QKI: variants seen among roughly 807,000 people sequenced by gnomAD.
QKI encodes the protein QKI, KH domain containing RNA binding.
A neutral mutation model predicts 39.0 loss-of-function variants in QKI; 10 were observed. The ratio of observed to expected loss-of-function variants is 0.26; its 90% CI spans 0.16 to 0.43. The LOEUF is 0.43. QKI is among the 20% of genes least tolerant of loss of function. The pLI, the probability that QKI is intolerant of heterozygous loss-of-function variation, is 1.00. For synonymous variants in QKI, 204 were observed against 155.4 expected (o/e 1.31, Z -2.33); for missense variants, 218 against 428.0 (o/e 0.51, Z 4.33).
In QKI at chr6:163,573,885, C is replaced by T. The variant is rs1758253153; in HGVS notation, c.*3175C>T. Reference sequence around the variant, plus strand: ...CAAAAGAATGTAAAGTCTTGAGTTACTGGACTAACCCTGAAGAACGTGACC... The same window carrying T: ...CAAAAGAATGTAAAGTCTTGAGTTATTGGACTAACCCTGAAGAACGTGACC... On this transcript the variant is annotated 3_prime_UTR_variant, in exon 8 of 8. Transcript: ENST00000361752. 2 of 152,138 alleles carry T rather than the reference C, an allele frequency of 1.3e-5. No homozygotes were observed. Among genetic ancestry groups the T allele is most frequent in the South Asian group, 2.1e-4 (1 of 4,826 alleles). 9.4% of individuals were successfully genotyped at this position (152,138 alleles called of 1,614,324 possible).
intron 3 of QKI, among the ~76,000 whole-genome samples, chr6:163,513,368 G>A (rs375036962): frequency 3.9e-5 from 6 of 152,198 alleles, no homozygotes; most frequent in African/African-American, 1.4e-4. Flanking sequence ...CACCAACTTG[G>A]TGATACATAA....
At chr6:163,423,514 C>G (rs755915960) in intron 1 of QKI, 2 of 152,106 alleles carry the variant, frequency 1.3e-5, no homozygotes, top group African/African-American at 4.8e-5. Context: ...GCGTGCCTCT[C>G]CACAAGGGGA....
intron 3 of QKI, among the ~76,000 whole-genome samples, chr6:163,500,161 A>G (rs1778670092): frequency 6.6e-6 from 1 of 152,190 alleles, no homozygotes; most frequent in Admixed American, 6.5e-5. Flanking sequence ...GTCCCTGTTC[A>G]TATGCTTCTC....
At chr6:163,504,155 T>C (rs1778954424) in intron 3 of QKI, among the ~76,000 whole-genome samples, 1 of 152,164 alleles carries the variant, frequency 6.6e-6, no homozygotes, top group South Asian at 2.1e-4. Context: ...CCATTGCTTA[T>C]TTCTGTCAAA....
intron 7 of QKI, chr6:163,567,193 G>A: frequency 1.0e-6 from 1 of 995,548 alleles, no homozygotes. Context: ...TTTAATGAGA[G>A]AAGTAAAGGA....
chr6:163,565,180 G>A (rs1346156660), intron 6 of QKI: 4 of 990,288 alleles, frequency 4.0e-6, no homozygotes, highest in East Asian at 2.2e-4. Context: ...ATTTCTTGAA[G>A]CATTTTTAAA....
intron 3 of QKI, among the ~76,000 whole-genome samples, chr6:163,503,137 ATTTTTTTTTTTT>A (rs57383986): frequency 2.0e-5 from 2 of 100,034 alleles, no homozygotes; most frequent in African/African-American, 7.1e-5. Flanking sequence ...GGCCCCTTGT[ATTTTTTTTTTTT>A]TTTTTTTTTT....
rs1022865836 is a variant in QKI at position 163,566,397 on chromosome 6, A to G, written c.935-324A>G. 4 of 1,223,898 alleles carry G rather than the reference A, an allele frequency of 3.3e-6. No homozygotes were observed. The South Asian group carries it at 7.5e-5, about 23-fold the overall frequency. 75.8% of individuals were successfully genotyped at this position (1,223,898 alleles called of 1,614,324 possible). A position where few individuals can be genotyped will look rare whatever the true frequency, so the allele number is the denominator to read the frequency against. On this transcript the variant is annotated intron_variant, in intron 6 of 7. Transcript: ENST00000361752. The stretch of plus-strand genomic sequence containing the variant: ...GTTATTTAAGTAGTCCTGCTGCAAG[A>G]AAGGCACTTCAGTGAATATGTGACT...
intron 2 of QKI, among the ~76,000 whole-genome samples, chr6:163,455,979 A>G (rs1463535052): frequency 6.6e-6 from 1 of 152,120 alleles, no homozygotes. Flanking sequence ...AAAGCCCTAT[A>G]TGATACGGTC....
chr6:163,537,819 CCTT>C (rs1209474737), intron 4 of QKI, among the ~76,000 whole-genome samples: 1 of 152,154 alleles, frequency 6.6e-6, no homozygotes, highest in African/African-American at 2.4e-5. Context: ...AACTGGTATT[CCTT>C]CTTCTGGGGC....
intron 3 of QKI, among the ~76,000 whole-genome samples, chr6:163,517,011 G>A (rs1014172580): frequency 1.8e-4 from 27 of 151,622 alleles, no homozygotes; most frequent in African/African-American, 6.1e-4. Context: ...AGCTTAACAA[G>A]TTTCAACCAG....
At chr6:163,427,034 C>T (rs1562421496) in intron 1 of QKI, among the ~76,000 whole-genome samples, 1 of 152,054 alleles carries the variant, frequency 6.6e-6, no homozygotes, top group Non-Finnish European at 1.5e-5. Context: ...GCCTTGTCTG[C>T]CTTGCCTGTT....
Position 163,573,956 on chromosome 6 carries a change from C to T in QKI, c.*3246C>T, listed in dbSNP as rs1783838918. The T allele has an allele frequency of 1.3e-5, 2 of 151,604 alleles. No individual in the cohort carries two copies. The highest frequency in any genetic ancestry group is 2.9e-5 in the Non-Finnish European group (2 of 67,986). 9.4% of individuals were successfully genotyped at this position (151,604 alleles called of 1,614,324 possible). On this transcript the variant is annotated 3_prime_UTR_variant, in exon 8 of 8. Transcript: ENST00000361752. ...TGTTTTTATGTTGTTTGTCAGCTGACAGTTTTGCACACTACTGTTAAAATG... is the reference window on the plus strand; with the variant it reads ...TGTTTTTATGTTGTTTGTCAGCTGATAGTTTTGCACACTACTGTTAAAATG...
intron 7 of QKI, 105 bp downstream of exon 7, chr6:163,566,900 G>T: frequency 1.4e-6 from 2 of 1,479,146 alleles, no homozygotes; most frequent in East Asian, 2.5e-5. Context: ...CCTGCACACA[G>T]TTTTTTTTCC....
At chr6:163,479,787 A>G (rs1363132991) in intron 3 of QKI, among the ~76,000 whole-genome samples, 1 of 152,252 alleles carries the variant, frequency 6.6e-6, no homozygotes, top group African/African-American at 2.4e-5. Context: ...GTCAGACTGT[A>G]ATGTGTGTAA....
chr6:163,428,611 T>C (rs1788589521), intron 1 of QKI, among the ~76,000 whole-genome samples: 1 of 152,220 alleles, frequency 6.6e-6, no homozygotes, highest in South Asian at 2.1e-4. Flanking sequence ...TTTTAGTAGG[T>C]AAATACTACA....
chr6:163,456,124 C>G (rs778401851), intron 2 of QKI, among the ~76,000 whole-genome samples: 1 of 152,162 alleles, frequency 6.6e-6, no homozygotes, highest in Non-Finnish European at 1.5e-5. Flanking sequence ...TAGTTGTGCT[C>G]TGATCTCTAC....
At position 163,448,919 on chromosome 6, in the gene QKI, A is replaced by C. The variant is rs532947544; in HGVS notation, c.143-6360A>C. Among the ~76,000 whole-genome samples, 5 of 152,216 alleles carry C rather than the reference A, an allele frequency of 3.3e-5. No individual in the cohort carries two copies. The South Asian group carries it at 1.0e-3, about 32-fold the overall frequency. ...TTTAGTCAAGCCTTAATTAAAGTTT[A>C]TTTCTTTTTACAGAAGAGATTGTTG... On this transcript the variant is annotated intron_variant, in intron 1 of 7. Transcript: ENST00000361752.
chr6:163,457,946 A>G (rs1443346876), intron 2 of QKI, among the ~76,000 whole-genome samples: 2 of 152,156 alleles, frequency 1.3e-5, no homozygotes, highest in Non-Finnish European at 2.9e-5. Flanking sequence ...CTGTTACAAT[A>G]TGATGGGAAT....
Sources: allele counts gnomAD v4.1 joint callset (sites outside exome capture counted in the v4.1 genomes callset), GRCh38; gene constraint gnomAD v4.1.1; transcripts MANE v1.5; gene names NCBI Gene and HGNC (gene_info 2026-07-23, HGNC 2026-07-21).